ZBTB20: variants seen among roughly 807,000 people sequenced by gnomAD.
ZBTB20 encodes the protein zinc finger and BTB domain containing 20, also known as zinc finger and BTB domain-containing protein 20.
In ZBTB20, 9 loss-of-function variants were observed where a neutral mutation model predicts 56.9. The observed-to-expected ratio is 0.16, with a 90% CI of 0.10 to 0.28. The LOEUF is 0.28. Among genes scored for constraint, ZBTB20 ranks in the 10% least tolerant of loss-of-function variants. The pLI, the probability that ZBTB20 is intolerant of heterozygous loss-of-function variation, is 1.00. For synonymous variants in ZBTB20, 417 were observed against 420.7 expected, an observed-to-expected ratio of 0.99 and a Z score of 0.11; for missense variants, 655 against 1,003.0, an observed-to-expected ratio of 0.65 and a Z score of 4.69.
At chr3:114,349,682 A>G (rs932066315) in intron 11 of ZBTB20, among the ~76,000 whole-genome samples, 2 of 152,178 alleles carry the variant, frequency 1.3e-5, no homozygotes, top group South Asian at 2.1e-4. Context: ...TACAAACTGA[A>G]TGTCTCCTCC....
At chr3:115,008,949 G>A (rs2079584952) in intron 2 of ZBTB20, among the ~76,000 whole-genome samples, 1 of 151,834 alleles carries the variant, frequency 6.6e-6, no homozygotes, top group Non-Finnish European at 1.5e-5. Context: ...CACAAACCAT[G>A]AATATTATCT....
At chr3:114,364,603 T>G (rs186334224) in intron 10 of ZBTB20, among the ~76,000 whole-genome samples, 1 of 152,342 alleles carries the variant, frequency 6.6e-6, no homozygotes, top group East Asian at 1.9e-4. Context: ...CCACCATGCA[T>G]GCCTCTAGTA....
rs141812971 is a variant in ZBTB20 at position 114,323,583 on chromosome 3, A to C, written c.*15422T>G. On this transcript the variant is annotated 3_prime_UTR_variant, in exon 12 of 12. Transcript: ENST00000675478. ...GCACAAGCAAGGGGCTTTGTGGAGG[A>C]GGCCAAGGCAAAGACTTCTACATCA... 1 of 152,370 alleles carries C rather than the reference A, an allele frequency of 6.6e-6. No homozygotes were observed. The highest frequency in any genetic ancestry group is 2.4e-5 in the African/African-American group (1 of 41,582). 9.4% of individuals were successfully genotyped at this position (152,370 alleles called of 1,614,324 possible).
intron 6 of ZBTB20, among the ~76,000 whole-genome samples, chr3:114,542,531 C>G (rs1015440550): frequency 1.3e-5 from 2 of 152,056 alleles, no homozygotes; most frequent in Admixed American, 1.3e-4. Flanking sequence ...CCATTCCAGA[C>G]AGGAATTAAA....
At chr3:114,810,223 C>A (rs2072418201) in intron 4 of ZBTB20, among the ~76,000 whole-genome samples, 2 of 152,146 alleles carry the variant, frequency 1.3e-5, no homozygotes, top group Non-Finnish European at 2.9e-5. Flanking sequence ...TGTGTGCAGC[C>A]TTTCAGACCT....
chr3:114,369,540 G>A (rs1027766186), intron 10 of ZBTB20, among the ~76,000 whole-genome samples: 4 of 152,138 alleles, frequency 2.6e-5, no homozygotes, highest in Non-Finnish European at 5.9e-5. Context: ...ACAAAGTATC[G>A]TTTGATTCAG....
At chr3:114,996,250 T>C (rs1473242105) in intron 2 of ZBTB20, among the ~76,000 whole-genome samples, 1 of 151,820 alleles carries the variant, frequency 6.6e-6, no homozygotes, top group Non-Finnish European at 1.5e-5. Context: ...GGTACATGTG[T>C]AGAACATGCA....
At chr3:114,947,757 A>G (rs79148575) in intron 3 of ZBTB20, among the ~76,000 whole-genome samples, 3,754 of 146,050 alleles carry the variant, frequency 0.026, 291 homozygotes, top group Admixed American at 0.12. Flanking sequence ...ACTATGCAAT[A>G]TATCTATGTA....
intron 1 of ZBTB20, among the ~76,000 whole-genome samples, chr3:115,117,088 A>C (rs2108637833): frequency 6.6e-6 from 1 of 152,258 alleles, no homozygotes; most frequent in Non-Finnish European, 1.5e-5. Flanking sequence ...ACTGTTGCAG[A>C]AAGTGCAGAA....
chr3:114,557,493 A>G (rs781282475), intron 6 of ZBTB20, among the ~76,000 whole-genome samples: 20 of 151,974 alleles, frequency 1.3e-4, no homozygotes, highest in Non-Finnish European at 2.7e-4. Flanking sequence ...TCCACAGAAT[A>G]AGGCTATTCT....
intron 6 of ZBTB20, among the ~76,000 whole-genome samples, chr3:114,645,413 A>G (rs1254871475): frequency 1.3e-5 from 2 of 152,120 alleles, no homozygotes; most frequent in Non-Finnish European, 2.9e-5. Flanking sequence ...GGATCTCTCA[A>G]CCTCACCTCT....
intron 5 of ZBTB20, among the ~76,000 whole-genome samples, chr3:114,726,911 CAAAAAAAAAAAAA>C (rs35565597): frequency 3.9e-3 from 193 of 49,312 alleles, no homozygotes; most frequent in African/African-American, 0.017. Context: ...GACTCCATCA[CAAAAAAAAAAAAA>C]AAAAAAAAAA....
At chr3:114,473,889 C>A (rs1027867527) in intron 7 of ZBTB20, among the ~76,000 whole-genome samples, 1 of 152,078 alleles carries the variant, frequency 6.6e-6, no homozygotes, top group African/African-American at 2.4e-5. Flanking sequence ...GTGTATGAGT[C>A]CATTTGCACA....
At chr3:114,573,696 A>C (rs2053698225) in intron 6 of ZBTB20, among the ~76,000 whole-genome samples, 1 of 152,134 alleles carries the variant, frequency 6.6e-6, no homozygotes, top group Admixed American at 6.5e-5. Flanking sequence ...AGAAATTATG[A>C]AATATGATAT....
At position 115,005,936 on chromosome 3, in the gene ZBTB20, C is replaced by T. The variant is rs1457646121; in HGVS notation, c.-506-31520G>A. On this transcript the variant is annotated intron_variant, in intron 2 of 11. Transcript: ENST00000675478. ...TTCTCTTTAACTTCATTTCAATCTA[C>T]TCTCTTTTTAGCTCACAGCATTCTA... Among the ~76,000 whole-genome samples the T allele has an allele frequency of 4.0e-5, 6 of 151,798 alleles. No individual in the cohort carries two copies. In the South Asian group the frequency reaches 1.0e-3, roughly 26 times the overall value.
chr3:114,462,823 A>G (rs2092390044), intron 7 of ZBTB20, among the ~76,000 whole-genome samples: 1 of 152,220 alleles, frequency 6.6e-6, no homozygotes, highest in South Asian at 2.1e-4. Context: ...CAACAGCTCT[A>G]TATATGTGGA....
chr3:114,804,881 T>A (rs1271041906), intron 4 of ZBTB20, among the ~76,000 whole-genome samples: 4 of 151,922 alleles, frequency 2.6e-5, no homozygotes, highest in South Asian at 4.1e-4. Context: ...TAATAGTAAT[T>A]CTTTAATGTC....
At position 114,949,730 on chromosome 3, in the gene ZBTB20, G is replaced by A. The variant is rs372756216; in HGVS notation, c.-456+24636C>T. Among the ~76,000 whole-genome samples, 867 of 129,712 alleles carry A rather than the reference G, an allele frequency of 6.7e-3. 160 individuals are homozygous for A. The highest frequency in any genetic ancestry group is 0.035 in the African/African-American group (774 of 22,110). The allele number at this position is 129,712 out of a possible 152,430, so 85.1% of individuals were successfully genotyped here. On this transcript the variant is annotated intron_variant, in intron 3 of 11. Transcript: ENST00000675478. Reference sequence around the variant, plus strand: ...TTCAGTGAGCCAAGATCGCACCACTGCACTCCAGCCTGGGCGACAGAGTAA... The same window carrying A: ...TTCAGTGAGCCAAGATCGCACCACTACACTCCAGCCTGGGCGACAGAGTAA...
rs144363988 is a variant in ZBTB20 at position 114,868,921 on chromosome 3, A to AT, written c.-417+31382dup. Among the ~76,000 whole-genome samples the AT allele has an allele frequency of 3.2e-3, 484 of 150,662 alleles. 2 individuals carry two copies. The highest frequency in any genetic ancestry group is 0.01 in the African/African-American group (415 of 41,092). On this transcript the variant is annotated intron_variant, in intron 4 of 11. Transcript: ENST00000675478. ...AACCAATTTAATTACCCTAACAGTCATTTTTTTTTGCAGGAAAAAGGTTCC... is the reference window on the plus strand; with the variant it reads ...AACCAATTTAATTACCCTAACAGTCATTTTTTTTTTGCAGGAAAAAGGTTCC...
Sources: allele counts gnomAD v4.1 joint callset (sites outside exome capture counted in the v4.1 genomes callset), GRCh38; gene constraint gnomAD v4.1.1; transcripts MANE v1.5; gene names NCBI Gene and HGNC (gene_info 2026-07-23, HGNC 2026-07-21).